PRKN: variants seen among roughly 807,000 people sequenced by gnomAD.
The protein encoded by PRKN is E3 ubiquitin-protein ligase parkin.
In PRKN, 56 loss-of-function variants were observed where a neutral mutation model predicts 59.5. The observed-to-expected ratio is 0.94, with a 90% CI of 0.76 to 1.18. The LOEUF (loss-of-function observed/expected upper bound fraction) is 1.18. Among genes scored for constraint, PRKN ranks in the 50% most tolerant of loss-of-function variants. PRKN has a pLI of 0.00. For missense variants in PRKN, 657 were observed against 596.4 expected (o/e 1.10, Z -1.06); for synonymous variants, 250 against 222.1 (o/e 1.13, Z -1.12).
intron 1 of PRKN, among the ~76,000 whole-genome samples, chr6:162,512,129 T>C (rs1281535679): frequency 3.3e-5 from 5 of 152,210 alleles, no homozygotes; most frequent in African/African-American, 1.2e-4. Context: ...CACAGCAATA[T>C]GTAACAAATT....
intron 2 of PRKN, among the ~76,000 whole-genome samples, chr6:162,359,079 A>AAAAAAAAAAAAAAAAATATAT (rs57265104): frequency 1.2e-5 from 1 of 83,274 alleles, no homozygotes; most frequent in African/African-American, 7.3e-5. Flanking sequence ...AAAAAAAAAA[A>AAAAAAAAAAAAAAAAATATAT]ATATATATAT....
chr6:161,886,736 A>C (rs28644220), intron 6 of PRKN, among the ~76,000 whole-genome samples: 56,714 of 140,372 alleles, frequency 0.4, 11,110 homozygotes, highest in East Asian at 0.47. Flanking sequence ...CATAAAATAA[A>C]ATAAAATAAT....
chr6:162,130,025 A>G (rs1298007499), intron 4 of PRKN, among the ~76,000 whole-genome samples: 1 of 152,176 alleles, frequency 6.6e-6, no homozygotes, highest in Non-Finnish European at 1.5e-5. Context: ...TTGCTTCTCA[A>G]TTAGCTTTGG....
chr6:162,028,477 GC>G (rs1783519565), intron 5 of PRKN, among the ~76,000 whole-genome samples: 2 of 152,206 alleles, frequency 1.3e-5, no homozygotes, highest in Non-Finnish European at 2.9e-5. Flanking sequence ...GGAGCCCTGG[GC>G]CGGCTGCTGT....
intron 7 of PRKN, among the ~76,000 whole-genome samples, chr6:161,604,150 T>A (rs1163893380): frequency 6.6e-6 from 1 of 152,224 alleles, no homozygotes; most frequent in Non-Finnish European, 1.5e-5. Flanking sequence ...AGGAGACTTT[T>A]AAGCCCACAT....
At chr6:162,315,905 C>T (rs560737672) in intron 2 of PRKN, among the ~76,000 whole-genome samples, 11 of 152,210 alleles carry the variant, frequency 7.2e-5, no homozygotes, top group South Asian at 4.2e-4. Context: ...AATCTGACTT[C>T]GCATCTACTC....
chr6:161,578,928 C>A lies in PRKN; in HGVS notation c.872-9512G>T, dbSNP rs1781236935. ...ATAAAGTTCTTCCTTTGTTATTGAC[C>A]TATATTTTGAGTGATTGTGATGATA... On this transcript the variant is annotated intron_variant, in intron 7 of 11. Transcript: ENST00000366898. The surrounding 1 kb of genome is among the most constrained non-coding windows in gnomAD (Gnocchi z 4.2). 6.6e-6 allele frequency among the ~76,000 whole-genome samples: 1 copy of A among 152,106 alleles called. No homozygotes were observed. Among genetic ancestry groups the A allele is most frequent in the African/African-American group, 2.4e-5 (1 of 41,420 alleles).
intron 6 of PRKN, among the ~76,000 whole-genome samples, chr6:161,904,200 G>T (rs1344860574): frequency 6.6e-6 from 1 of 151,908 alleles, no homozygotes; most frequent in African/African-American, 2.4e-5. Context: ...TTAAGCAACA[G>T]CTGGGTCCTG....
chr6:162,298,931 C>G (rs1165408655), intron 2 of PRKN, among the ~76,000 whole-genome samples: 3 of 152,106 alleles, frequency 2.0e-5, no homozygotes, highest in Non-Finnish European at 4.4e-5. Context: ...GAAGAGATGG[C>G]CTGGTGTGTC....
intron 1 of PRKN, among the ~76,000 whole-genome samples, chr6:162,591,471 C>T (rs1207181162): frequency 6.6e-6 from 1 of 151,976 alleles, no homozygotes; most frequent in African/African-American, 2.4e-5. Flanking sequence ...GTATTTAGGA[C>T]ATCTATCACA....
intron 1 of PRKN, among the ~76,000 whole-genome samples, chr6:162,485,044 T>C (rs916684277): frequency 1.3e-5 from 2 of 152,242 alleles, no homozygotes; most frequent in African/African-American, 4.8e-5. Context: ...AATGTGAATG[T>C]AAATTCTATA....
At chr6:161,418,958 G>C (rs1787969797) in intron 9 of PRKN, among the ~76,000 whole-genome samples, 1 of 152,298 alleles carries the variant, frequency 6.6e-6, no homozygotes, top group Non-Finnish European at 1.5e-5. Context: ...ACAATGTCTG[G>C]TGTTGCCTAC....
chr6:162,509,715 G>T (rs1328032481), intron 1 of PRKN, among the ~76,000 whole-genome samples: 1 of 152,138 alleles, frequency 6.6e-6, no homozygotes, highest in Admixed American at 6.6e-5. Flanking sequence ...AGTATTTTAC[G>T]CAGACACTGC....
intron 7 of PRKN, among the ~76,000 whole-genome samples, chr6:161,733,763 A>AG (rs1421457416): frequency 2.9e-5 from 3 of 104,026 alleles, no homozygotes; most frequent in South Asian, 3.3e-4. Context: ...GAAAATTCCC[A>AG]GGGGGTGAAA....
intron 7 of PRKN, among the ~76,000 whole-genome samples, chr6:161,573,969 C>G (rs2128136014): frequency 6.6e-6 from 1 of 151,268 alleles, no homozygotes; most frequent in Admixed American, 6.6e-5. Context: ...TCCTAAGATA[C>G]AAGTGAAAGG....
chr6:162,456,497 C>A (rs974503988), intron 1 of PRKN, among the ~76,000 whole-genome samples: 1 of 151,116 alleles, frequency 6.6e-6, no homozygotes, highest in Admixed American at 6.6e-5. Flanking sequence ...ATATCATAAA[C>A]TTTAATTCTT....
intron 9 of PRKN, among the ~76,000 whole-genome samples, chr6:161,424,593 C>T (rs1383039552): frequency 6.6e-6 from 1 of 152,144 alleles, no homozygotes; most frequent in Admixed American, 6.6e-5. Flanking sequence ...GAACTCAGGG[C>T]ATTGGGGCCA....
chr6:162,166,898 A>C (rs1229739233), intron 4 of PRKN, among the ~76,000 whole-genome samples: 2 of 151,372 alleles, frequency 1.3e-5, no homozygotes, highest in Admixed American at 6.6e-5. Context: ...TCAACTACCC[A>C]CTCTTTGTCA....
intron 5 of PRKN, among the ~76,000 whole-genome samples, chr6:162,002,110 G>A (rs1054156006): frequency 6.6e-6 from 1 of 151,982 alleles, no homozygotes; most frequent in African/African-American, 2.4e-5. Context: ...ATCTTGGTCT[G>A]TAGTTTTCTT....
Sources: allele counts gnomAD v4.1 joint callset (sites outside exome capture counted in the v4.1 genomes callset), GRCh38; gene constraint gnomAD v4.1.1; non-coding constraint Gnocchi (gnomAD v3.1); transcripts MANE v1.5; gene names NCBI Gene and HGNC (gene_info 2026-07-23, HGNC 2026-07-21).